Variants in FCRLB observed in about 807,000 individuals in gnomAD.
FCRLB encodes Fc receptor like B.
A neutral mutation model predicts 33.6 loss-of-function variants in FCRLB; 34 were observed. That is an observed-to-expected ratio of 1.01 (90% CI 0.77 to 1.35). The LOEUF (loss-of-function observed/expected upper bound fraction) is 1.35, where lower values mean the gene tolerates loss of function less well. Among genes scored for constraint, FCRLB ranks in the 40% most tolerant of loss-of-function variants. The pLI is 0.00. For synonymous variants in FCRLB, 280 were observed against 255.9 expected, an observed-to-expected ratio of 1.09 and a Z score of -0.90; for missense variants, 560 against 580.2, an observed-to-expected ratio of 0.97 and a Z score of 0.36.
intron 5 of FCRLB, among the ~76,000 whole-genome samples, chr1:161,724,734 G>T (rs7517123): frequency 0.02 from 2,981 of 152,292 alleles, 66 homozygotes; most frequent in African/African-American, 0.068. Context: ...AGTGCATGTG[G>T]ATTGTGGCTA....
In FCRLB at chr1:161,727,469, C is replaced by G. The variant is rs1258365763; in HGVS notation, c.1088C>G (p.Ser363Trp). 1 of 1,613,986 alleles carries G rather than the reference C, an allele frequency of 6.2e-7. No homozygotes were observed. The highest frequency in any genetic ancestry group is 1.3e-5 in the African/African-American group (1 of 74,946). Residue 363 changes from serine (S) to tryptophan (W), a missense_variant, in exon 8 of 8, where the codon TCG (serine) becomes TGG (tryptophan). Ser to Trp is a radical substitution (Grantham distance 177, BLOSUM62 -3). Coordinates refer to ENST00000367948, the Ensembl canonical transcript of FCRLB. ...GCTCCGCCGACGCCCTTGGAACAATCGGCTGGAGCCCTGAAACCCGACGTG... is the reference window on the plus strand; with the variant it reads ...GCTCCGCCGACGCCCTTGGAACAATGGGCTGGAGCCCTGAAACCCGACGTG...
intron 7 of FCRLB, 26 bp downstream of exon 7, chr1:161,727,019 C>T: frequency 2.0e-6 from 3 of 1,479,012 alleles, no homozygotes; most frequent in Non-Finnish European, 2.7e-6. Context: ...CCCTCCCGGA[C>T]GCCGACCCTG....
exon 3 of FCRLB, chr1:161,722,654 T>A (rs1683408038): frequency 6.2e-7 from 1 of 1,614,058 alleles, no homozygotes; most frequent in South Asian, 1.1e-5. Context: ...CTTCTGCAGC[T>A]GCTGCAGTCA....
Position 161,725,876 on chromosome 1 carries a change from C to T in FCRLB, c.363C>T (p.Val121=), listed in dbSNP as rs35126350. Residue 121 remains valine, a synonymous_variant, in exon 6 of 8, where the codon GTC becomes GTT. Coordinates refer to ENST00000367948, the Ensembl canonical transcript of FCRLB. The stretch of plus-strand genomic sequence containing the variant: ...CAGTGTTCGAGGGTGAGCCGCTAGT[C>T]CTGCGCTGCCGCGGCTGGTACGACA... 6.9e-4 allele frequency: 1,108 copies of T among 1,614,036 alleles called. 3 individuals carry two copies. The highest frequency in any genetic ancestry group is 8.7e-4 in the Non-Finnish European group (1,031 of 1,180,004).
chr1:161,723,255 G>A, intron 4 of FCRLB, 112 bp from the exon 5 acceptor site: 2 of 1,342,888 alleles, frequency 1.5e-6, no homozygotes, highest in Non-Finnish European at 2.1e-6. Flanking sequence ...ACATGGGCTG[G>A]GGCCTGCGAG....
chr1:161,723,425 G>A (rs755873480), exon 5 of FCRLB: 3 of 1,614,132 alleles, frequency 1.9e-6, no homozygotes, highest in Non-Finnish European at 2.5e-6. Flanking sequence ...TCTTCAAAGG[G>A]GAGCGGGTAA....
chr1:161,727,696 C>A, exon 8 of FCRLB: 1 of 1,538,624 alleles, frequency 6.5e-7, no homozygotes, highest in Non-Finnish European at 8.8e-7. Context: ...CAGGCTCATT[C>A]CTCCTTGGTC....
rs575763332 is a variant in FCRLB at position 161,726,999 on chromosome 1, T to A, written c.865+6T>A. ...GCTGCAGCTCCCGGGGCCGGGTGAG[T>A]GCCTGCACACCCTCCCGGACGCCGA... On this transcript the variant is annotated splice_donor_region_variant and intron_variant, in intron 7 of 7. Coordinates refer to ENST00000367948, the Ensembl canonical transcript of FCRLB. This position sits in a 1 kb window ranked among gnomAD's most constrained non-coding sequence, Gnocchi z 5.2. The A allele has an allele frequency of 4.0e-6, 6 of 1,505,102 alleles. No homozygotes were observed. In the East Asian group the frequency reaches 1.2e-4, roughly 30 times the overall value. The allele number at this position is 1,505,102 out of a possible 1,614,324, so 93.2% of individuals were successfully genotyped here. A position where few individuals can be genotyped will look rare whatever the true frequency, so the allele number is the denominator to read the frequency against.
chr1:161,726,670 AGCCGGC>A lies in FCRLB; in HGVS notation c.575-28_575-23del, dbSNP rs1359825307. On this transcript the variant is annotated intron_variant, in intron 6 of 7. Transcript: ENST00000367948. The surrounding 1 kb of genome is among the most constrained non-coding windows in gnomAD (Gnocchi z 5.2). Reference sequence around the variant, plus strand: ...GAGCGGGGTCGCGGAGCGGTGGACAAGCCGGCGCCGTTGCTCCCCGCCCTCTCCGTA... The same window carrying A: ...GAGCGGGGTCGCGGAGCGGTGGACAAGCCGTTGCTCCCCGCCCTCTCCGTA... The A allele has an allele frequency of 3.8e-6, 6 of 1,565,070 alleles. No homozygotes were observed. The highest frequency in any genetic ancestry group is 5.2e-6 in the Non-Finnish European group (6 of 1,162,758).
chr1:161,724,110 T>G (rs1683464895), intron 5 of FCRLB, among the ~76,000 whole-genome samples: 1 of 152,132 alleles, frequency 6.6e-6, no homozygotes, highest in Admixed American at 6.5e-5. Context: ...TCTCTTCGGC[T>G]GCTCTGAGGA....
intron 4 of FCRLB, 97 bp from the exon 5 acceptor site, chr1:161,723,270 G>A (rs894688494): frequency 1.4e-6 from 2 of 1,472,492 alleles, no homozygotes; most frequent in Admixed American, 3.6e-5. Flanking sequence ...TGCGAGCTGG[G>A]GTTTCCTAAG....
At chr1:161,722,947 T>A in intron 3 of FCRLB, 42 bp from the exon 4 acceptor site, 1 of 1,612,528 alleles carries the variant, frequency 6.2e-7, no homozygotes, top group Non-Finnish European at 8.5e-7. Context: ...TCATCGCCAA[T>A]ATTCTCCTTC....
Position 161,725,976 on chromosome 1 carries a change from G to GTGT in FCRLB, c.465_467dup (p.Leu156dup). On this transcript the variant is annotated inframe_insertion, in exon 6 of 8. Coordinates refer to ENST00000367948, the Ensembl canonical transcript of FCRLB. Reference sequence around the variant, plus strand: ...CTTCCACTCCAGCGCCAACTACACTGTGTTACAGGCGCGTGCCAGCGACAG... The same window carrying GTGT: ...CTTCCACTCCAGCGCCAACTACACTGTGTTGTTACAGGCGCGTGCCAGCGACAG... 2.5e-6 allele frequency: 4 copies of GTGT among 1,614,236 alleles called. No individual in the cohort carries two copies. In the South Asian group the frequency reaches 4.4e-5, roughly 18 times the overall value.
intron 5 of FCRLB, among the ~76,000 whole-genome samples, chr1:161,725,202 G>A (rs1683500207): frequency 6.6e-6 from 1 of 152,180 alleles, no homozygotes; most frequent in Non-Finnish European, 1.5e-5. Flanking sequence ...AAAACCCTTT[G>A]AGGGTGGAGC....
exon 8 of FCRLB, chr1:161,727,704 G>T: frequency 6.5e-7 from 1 of 1,528,738 alleles, no homozygotes; most frequent in Non-Finnish European, 8.8e-7. Flanking sequence ...TTCCTCCTTG[G>T]TCTCCTGCTT....
chr1:161,725,686 AAAAG>A, intron 5 of FCRLB, 131 bp from the exon 6 acceptor site: 1 of 1,109,802 alleles, frequency 9.0e-7, no homozygotes, highest in Non-Finnish European at 1.3e-6. Flanking sequence ...AAAAGAAAAG[AAAAG>A]AAAGCGGTGG....
chr1:161,727,997 A>G (rs1294788180), exon 8 of FCRLB: 1 of 231,742 alleles, frequency 4.3e-6, no homozygotes, highest in Non-Finnish European at 8.5e-6. Context: ...TTTGGTATTT[A>G]AGTACATTGA....
At chr1:161,723,395 A>G (rs750537054) in exon 5 of FCRLB, 29 of 1,613,940 alleles carry the variant, frequency 1.8e-5, no homozygotes, top group Non-Finnish European at 2.2e-5. Context: ...TATTGTCTCT[A>G]CATCCACCTT....
rs866095995 is a variant in FCRLB, at chr1:161,726,417, C to A, written c.575-286C>A. ...CTAGCGTCCTGCAAGGCAGGCGCAG[C>A]GTCTCCTATTCTAGGCTGCAGAACC... On this transcript the variant is annotated intron_variant, in intron 6 of 7. Transcript: ENST00000367948. This position sits in a 1 kb window ranked among gnomAD's most constrained non-coding sequence, Gnocchi z 5.2. 2 of 717,640 alleles carry A rather than the reference C, an allele frequency of 2.8e-6. No individual in the cohort carries two copies. The highest frequency in any genetic ancestry group is 3.5e-5 in the African/African-American group (2 of 57,506). 44.5% of individuals were successfully genotyped at this position (717,640 alleles called of 1,614,324 possible).
Sources: gnomAD v4.1 joint callset for allele counts (sites outside exome capture counted in the v4.1 genomes callset) on GRCh38, gnomAD v4.1.1 for gene constraint, Gnocchi (gnomAD v3.1) non-coding constraint, MANE v1.5 for transcripts, NCBI Gene and HGNC (gene_info 2026-07-23, HGNC 2026-07-21) for gene names.